The following TMPRSS4 variants were observed in gnomAD, a reference collection of about 807,000 sequenced individuals.
TMPRSS4 encodes transmembrane serine protease 4.
In TMPRSS4, 45 loss-of-function variants were observed where a neutral mutation model predicts 56.4. That is an observed-to-expected ratio of 0.80 (90% CI 0.63 to 1.02). The LOEUF (loss-of-function observed/expected upper bound fraction) is 1.02. Ranked by LOEUF, TMPRSS4 falls within the 50% of genes least tolerant of loss-of-function variation. TMPRSS4 has a pLI of 0.00. For synonymous variants in TMPRSS4, 205 were observed against 211.0 expected (o/e 0.97, Z 0.25); for missense variants, 546 against 556.7 (o/e 0.98, Z 0.19).
intron 3 of TMPRSS4, among the ~76,000 whole-genome samples, chr11:118,099,499 A>AAGAAAGAC (rs1555085874): frequency 1.1e-3 from 166 of 151,786 alleles, no homozygotes; most frequent in African/African-American, 2.3e-3. Flanking sequence ...GAAAGAAAGA[A>AAGAAAGAC]AGACATGTAT....
At position 118,107,953 on chromosome 11, in the gene TMPRSS4, G is replaced by A. The variant is rs1344343062; in HGVS notation, c.542+78G>A. 3.3e-6 allele frequency: 4 copies of A among 1,198,466 alleles called. No homozygotes were observed. The African/African-American group carries it at 4.5e-5, about 14-fold the overall frequency. The allele number at this position is 1,198,466 out of a possible 1,614,324, so 74.2% of individuals were successfully genotyped here. A position where few individuals can be genotyped will look rare whatever the true frequency, so the allele number is the denominator to read the frequency against. On this transcript the variant is annotated intron_variant, in intron 6 of 12. Coordinates refer to ENST00000437212, the MANE Select transcript of TMPRSS4 (RefSeq NM_019894.4). The stretch of plus-strand genomic sequence containing the variant: ...TCTTCAGGTTGCAACCAGCTCACCT[G>A]GAACCCCAAGCAGCCAGGGGAATGT...
At chr11:118,082,468 T>C (rs532717414) in intron 1 of TMPRSS4, among the ~76,000 whole-genome samples, 1 of 151,812 alleles carries the variant, frequency 6.6e-6, no homozygotes, top group East Asian at 1.9e-4. Context: ...AGCTGAGGCA[T>C]GAGAATCGCT....
intron 5 of TMPRSS4, 140 bp downstream of exon 5, chr11:118,104,960 A>T (rs1946917510): frequency 3.2e-6 from 3 of 945,232 alleles, no homozygotes; most frequent in East Asian, 2.8e-5. Context: ...CCAGCATTTC[A>T]CTTATAAGCA....
rs903540734 is a variant in TMPRSS4, at chr11:118,119,139, A to T, written c.*1226A>T. 1.0e-6 allele frequency: 1 copy of T among 985,350 alleles called. No homozygotes were observed. Among genetic ancestry groups the T allele is most frequent in the African/African-American group, 1.7e-5 (1 of 57,228 alleles). The allele number at this position is 985,350 out of a possible 1,614,324, so 61.0% of individuals were successfully genotyped here. On this transcript the variant is annotated 3_prime_UTR_variant, in exon 13 of 13. Transcript: ENST00000437212. ...AATGCCAAAAACAAAGAAAATAGAA[A>T]CCCAGAAAACAAAACAAAATAAAAC...
intron 1 of TMPRSS4, among the ~76,000 whole-genome samples, chr11:118,082,916 C>T (rs866340453): frequency 1.3e-5 from 2 of 152,182 alleles, no homozygotes; most frequent in African/African-American, 2.4e-5. Context: ...GTTCCCCAAG[C>T]GTACTTTGAC....
chr11:118,111,644 G>C (rs1323490292), intron 7 of TMPRSS4, 97 bp from the exon 8 acceptor site: 1 of 981,054 alleles, frequency 1.0e-6, no homozygotes, highest in Non-Finnish European at 1.4e-6. Context: ...CCAGCCATAA[G>C]GGCCCTGCTT....
At chr11:118,116,183 G>C (rs1947538252) in intron 11 of TMPRSS4, among the ~76,000 whole-genome samples, 1 of 152,076 alleles carries the variant, frequency 6.6e-6, no homozygotes, top group Non-Finnish European at 1.5e-5. Context: ...CAAACTCCTG[G>C]GTTCAAGGGA....
intron 1 of TMPRSS4, among the ~76,000 whole-genome samples, chr11:118,082,566 A>AAAAG (rs56317794): frequency 0.78 from 117,747 of 150,194 alleles, 46,774 homozygotes; most frequent in East Asian, 0.95. Context: ...GTCTCAAAAA[A>AAAAG]AAAGAAAGAA....
intron 1 of TMPRSS4, among the ~76,000 whole-genome samples, chr11:118,091,459 C>T (rs999430475): frequency 6.6e-6 from 1 of 152,162 alleles, no homozygotes; most frequent in Non-Finnish European, 1.5e-5. Context: ...CTGCATAGCA[C>T]CTACCCCTCT....
intron 4 of TMPRSS4, among the ~76,000 whole-genome samples, chr11:118,104,425 AG>A (rs1946882699): frequency 6.6e-6 from 1 of 152,004 alleles, no homozygotes; most frequent in South Asian, 2.1e-4. Context: ...TAAGAGCAAA[AG>A]GGGGCACTAT....
chr11:118,104,285 C>G (rs550072399), intron 4 of TMPRSS4, among the ~76,000 whole-genome samples: 19 of 152,328 alleles, frequency 1.2e-4, no homozygotes, highest in South Asian at 8.3e-4. Context: ...AGGTCCCTCT[C>G]TCAGACATTT....
chr11:118,115,797 T>A (rs1193831307), intron 11 of TMPRSS4, among the ~76,000 whole-genome samples: 1 of 152,190 alleles, frequency 6.6e-6, no homozygotes. Flanking sequence ...CACTCCAGCC[T>A]GGGTGACCCA....
At chr11:118,098,170 A>G (rs556485610) in intron 2 of TMPRSS4, among the ~76,000 whole-genome samples, 62 of 152,332 alleles carry the variant, frequency 4.1e-4, no homozygotes, top group African/African-American at 1.4e-3. Flanking sequence ...GCTCCTTAGC[A>G]TAATGTTCAA....
chr11:118,118,162 A>C lies in TMPRSS4; in HGVS notation c.*249A>C. 1.4e-6 allele frequency: 2 copies of C among 1,414,470 alleles called. No homozygotes were observed. Among genetic ancestry groups the C allele is most frequent in the Non-Finnish European group, 1.8e-6 (2 of 1,088,276 alleles). The allele number at this position is 1,414,470 out of a possible 1,614,324, so 87.6% of individuals were successfully genotyped here. ...CTCCCAGCATCCCAGGGAGAGACAC[A>C]GCCCACTGAACAAGGTCTCAGGGGT... On this transcript the variant is annotated 3_prime_UTR_variant, in exon 13 of 13. Coordinates refer to ENST00000437212, the MANE Select transcript of TMPRSS4 (RefSeq NM_019894.4).
Position 118,119,241 on chromosome 11 carries a change from T to C in TMPRSS4, c.*1328T>C, listed in dbSNP as rs911964955. 1.3e-5 allele frequency: 13 copies of C among 985,304 alleles called. No individual in the cohort carries two copies. Among genetic ancestry groups the C allele is most frequent in the African/African-American group, 1.7e-5 (1 of 57,236 alleles). 61.0% of individuals were successfully genotyped at this position (985,304 alleles called of 1,614,324 possible). ...CACTAAAATCTTGGGTCGAGACCTA[T>C]ATGAAGGCTGGCAGTGGAGCTAAAC... On this transcript the variant is annotated 3_prime_UTR_variant, in exon 13 of 13. Transcript: ENST00000437212.
At chr11:118,103,377 T>TTTGTTTGTTTGTTTG in intron 4 of TMPRSS4, 124 bp downstream of exon 4, 1 of 883,194 alleles carries the variant, frequency 1.1e-6, no homozygotes, top group Non-Finnish European at 1.5e-6. Flanking sequence ...TATAAGGTTC[T>TTTGTTTGTTTGTTTG]TTGTTTGTTT....
Position 118,117,990 on chromosome 11 carries a change from C to A in TMPRSS4, c.*77C>A. ...CCTGGGGATCCCCCAAAGTCAGACA[C>A]AGAGCAAGAGTCCCCTTGGGTACAC... On this transcript the variant is annotated 3_prime_UTR_variant, in exon 13 of 13. Transcript: ENST00000437212. 6.2e-7 allele frequency: 1 copy of A among 1,610,666 alleles called. No individual in the cohort carries two copies. Among genetic ancestry groups the A allele is most frequent in the Non-Finnish European group, 8.5e-7 (1 of 1,179,770 alleles).
intron 1 of TMPRSS4, among the ~76,000 whole-genome samples, chr11:118,089,871 G>T (rs1945825795): frequency 6.6e-6 from 1 of 152,162 alleles, no homozygotes; most frequent in East Asian, 1.9e-4. Context: ...TTTTGAGATG[G>T]AGTGTTGCTC....
downstream of TMPRSS4, among the ~76,000 whole-genome samples, chr11:118,123,766 CGCCCGCCTCA>C (rs1180827481): frequency 6.6e-6 from 1 of 152,008 alleles, no homozygotes. Flanking sequence ...CCTCGTGATC[CGCCCGCCTCA>C]GCCTCCCAAA....
Sources: allele counts gnomAD v4.1 joint callset (sites outside exome capture counted in the v4.1 genomes callset), GRCh38; gene constraint gnomAD v4.1.1; transcripts MANE v1.5; gene names NCBI Gene and HGNC (gene_info 2026-07-23, HGNC 2026-07-21).